The following SIRT4 variants were observed in gnomAD, a reference collection of about 807,000 sequenced individuals.
SIRT4 encodes the protein NAD-dependent protein lipoamidase sirtuin-4, mitochondrial.
SIRT4 carries 23 observed loss-of-function variants against 26.1 expected under a neutral mutation model. The ratio of observed to expected loss-of-function variants is 0.88; its 90% CI spans 0.63 to 1.25. The LOEUF (loss-of-function observed/expected upper bound fraction) is 1.25. Ranked by LOEUF, SIRT4 falls within the 50% of genes most tolerant of loss-of-function variation. SIRT4 has a pLI of 0.00. For synonymous variants in SIRT4, 155 were observed against 158.4 expected (o/e 0.98, Z 0.16); for missense variants, 361 against 405.4 (o/e 0.89, Z 0.94).
chr12:120,298,424 C>G (rs1872413753), upstream of SIRT4, among the ~76,000 whole-genome samples: 1 of 151,796 alleles, frequency 6.6e-6, no homozygotes, highest in Admixed American at 6.6e-5. Flanking sequence ...GAAACCCCGT[C>G]TCTACAAAAA....
chr12:120,307,216 C>T (rs1389752151), intron 2 of SIRT4, among the ~76,000 whole-genome samples: 2 of 152,144 alleles, frequency 1.3e-5, no homozygotes, highest in East Asian at 1.9e-4. Flanking sequence ...ATAGGCTGGG[C>T]TCAGTGGCTC....
At chr12:120,293,008 T>G in the SIRT4 span, 1 of 152,244 alleles carries the variant, frequency 6.6e-6, no homozygotes, top group East Asian at 1.9e-4. Flanking sequence ...TTTAGAGAGT[T>G]TGCGAACAAG....
intron 2 of SIRT4, among the ~76,000 whole-genome samples, chr12:120,312,147 A>C (rs60176939): frequency 6.6e-6 from 1 of 151,766 alleles, no homozygotes; most frequent in South Asian, 2.1e-4. Context: ...GCTGGGCGAG[A>C]TGGCGCGTGT....
intron 2 of SIRT4, among the ~76,000 whole-genome samples, chr12:120,308,130 TAC>T (rs1385598678): frequency 2.0e-5 from 3 of 151,598 alleles, no homozygotes; most frequent in African/African-American, 7.3e-5. Context: ...GTGTTGGGAT[TAC>T]AGGTGTGAGC....
At chr12:120,294,006 C>CTTTTTTTTTTTTTTTTTTTT in the SIRT4 span, among the ~76,000 whole-genome samples, 8 of 83,998 alleles carry the variant, frequency 9.5e-5, no homozygotes, top group Non-Finnish European at 1.3e-4. Context: ...GAGATGTTAT[C>CTTTTTTTTTTTTTTTTTTTT]TTTTTTTTTT....
At chr12:120,308,755 A>G (rs1252608461) in intron 2 of SIRT4, among the ~76,000 whole-genome samples, 2 of 152,192 alleles carry the variant, frequency 1.3e-5, no homozygotes, top group Non-Finnish European at 2.9e-5. Context: ...ACATGATAAA[A>G]ATAGCATTTG....
the SIRT4 span, among the ~76,000 whole-genome samples, chr12:120,296,062 G>C: frequency 7.4e-6 from 1 of 134,864 alleles, no homozygotes; most frequent in Non-Finnish European, 1.5e-5. Context: ...AATCCAGCCT[G>C]GGTGACAAAG....
At chr12:120,301,512 A>C (rs1403088980), upstream of SIRT4, among the ~76,000 whole-genome samples, 1 of 152,172 alleles carries the variant, frequency 6.6e-6, no homozygotes, top group Non-Finnish European at 1.5e-5. Flanking sequence ...GAATGAGTCA[A>C]ATCTAGGCCG....
rs531395161 is a variant in SIRT4 at position 120,308,544 on chromosome 12, G to T, written c.498-3912G>T. Among the ~76,000 whole-genome samples the T allele has an allele frequency of 4.9e-3, 752 of 152,260 alleles. 2 individuals carry two copies. The highest frequency in any genetic ancestry group is 8.7e-3 in the Non-Finnish European group (590 of 68,014). On this transcript the variant is annotated intron_variant, in intron 2 of 3. Coordinates refer to ENST00000202967, the MANE Select transcript of SIRT4 (RefSeq NM_012240.3). Reference sequence around the variant, plus strand: ...TGTCTAGGCAAGAGCGGGAAACAGGGCTTTCCAAATGAAGGGAAGTTGTAG... The same window carrying T: ...TGTCTAGGCAAGAGCGGGAAACAGGTCTTTCCAAATGAAGGGAAGTTGTAG...
chr12:120,307,258 AG>A (rs1387992957), intron 2 of SIRT4, among the ~76,000 whole-genome samples: 8 of 152,248 alleles, frequency 5.3e-5, no homozygotes, highest in Admixed American at 5.2e-4. Flanking sequence ...TGAGAGGCTG[AG>A]GGGGCGGATC....
chr12:120,307,362 G>A (rs374322547), intron 2 of SIRT4, among the ~76,000 whole-genome samples: 91 of 152,186 alleles, frequency 6.0e-4, no homozygotes, highest in African/African-American at 2.1e-3. Flanking sequence ...GGTGGCGGGC[G>A]CCTATAGTCC....
chr12:120,298,019 C>G (rs1872394050), upstream of SIRT4, among the ~76,000 whole-genome samples: 1 of 151,372 alleles, frequency 6.6e-6, no homozygotes, highest in East Asian at 1.9e-4. Context: ...AGGATCATGG[C>G]TCACTGCAGC....
At chr12:120,292,077 AGGTTTTGAAAAC>A in the SIRT4 span, among the ~76,000 whole-genome samples, 1 of 152,238 alleles carries the variant, frequency 6.6e-6, no homozygotes, top group Non-Finnish European at 1.5e-5. Context: ...TCAAACATTC[AGGTTTTGAAAAC>A]CATAAGAATA....
chr12:120,308,165 CTTTTTTTTTTTT>C (rs10707396), intron 2 of SIRT4, among the ~76,000 whole-genome samples: 1 of 85,012 alleles, frequency 1.2e-5, no homozygotes, highest in Non-Finnish European at 2.3e-5. Context: ...CCCAAGAAAG[CTTTTTTTTTTTT>C]TTTTTTTTTG....
At chr12:120,309,722 T>C (rs1429600725) in intron 2 of SIRT4, among the ~76,000 whole-genome samples, 1 of 149,030 alleles carries the variant, frequency 6.7e-6, no homozygotes, top group Non-Finnish European at 1.5e-5. Flanking sequence ...TTCTTTTTTT[T>C]TTTTTTTTTT....
At chr12:120,306,954 C>T (rs1049291490) in intron 2 of SIRT4, among the ~76,000 whole-genome samples, 7 of 152,074 alleles carry the variant, frequency 4.6e-5, no homozygotes, top group African/African-American at 1.7e-4. Context: ...CGTAGCCGGG[C>T]AGTAGTCAGA....
chr12:120,306,894 T>C (rs1872763866), intron 2 of SIRT4, among the ~76,000 whole-genome samples: 1 of 152,214 alleles, frequency 6.6e-6, no homozygotes, highest in African/African-American at 2.4e-5. Flanking sequence ...GCATGTGCTA[T>C]AAACTGCTGG....
At chr12:120,296,467 G>A in the SIRT4 span, among the ~76,000 whole-genome samples, 26 of 150,338 alleles carry the variant, frequency 1.7e-4, no homozygotes, top group African/African-American at 5.8e-4. Flanking sequence ...CCTGTTTGAT[G>A]CTGATGTGTT....
In SIRT4 at chr12:120,303,606, T is replaced by G; in HGVS notation, c.45T>G (p.Arg15=). 2 of 1,614,018 alleles carry G rather than the reference T, an allele frequency of 1.2e-6. No individual in the cohort carries two copies. Among genetic ancestry groups the G allele is most frequent in the South Asian group, 2.2e-5 (2 of 91,082 alleles). Residue 15 remains arginine, a synonymous_variant, in exon 2 of 4, where the codon CGT becomes CGG. Transcript: ENST00000202967. The stretch of plus-strand genomic sequence containing the variant: ...TGACTTTCAGGTCAGCAAAAGGCCG[T>G]TGGATCGCAAACCCCAGCCAGCCGT... ...FALTFRSAKG[R]WIANPSQPCS...
Sources: gnomAD v4.1 joint callset for allele counts (sites outside exome capture counted in the v4.1 genomes callset) on GRCh38, gnomAD v4.1.1 for gene constraint, MANE v1.5 for transcripts, NCBI Gene and HGNC (gene_info 2026-07-23, HGNC 2026-07-21) for gene names.